The following SRPK2 variants were observed in gnomAD, a reference collection of about 807,000 sequenced individuals.
The protein encoded by SRPK2 is SFRS protein kinase 2.
A neutral mutation model predicts 90.8 loss-of-function variants in SRPK2; 21 were observed. The observed-to-expected ratio is 0.23, with a 90% confidence interval of 0.16 to 0.33. The LOEUF is 0.33. Among genes scored for constraint, SRPK2 ranks in the 10% least tolerant of loss-of-function variants. SRPK2 has a pLI of 1.00. For missense variants in SRPK2, 620 were observed against 869.0 expected, an observed-to-expected ratio of 0.71 and a Z score of 3.60; for synonymous variants, 288 against 311.1, an observed-to-expected ratio of 0.93 and a Z score of 0.78.
At chr7:105,342,328 TTAA>T (rs1262534509) in intron 2 of SRPK2, among the ~76,000 whole-genome samples, 2 of 148,212 alleles carry the variant, frequency 1.3e-5, no homozygotes, top group African/African-American at 2.5e-5. Context: ...CCGTCTCAAA[TTAA>T]TAATAATAAT....
At chr7:105,374,319 T>C (rs948776882) in intron 2 of SRPK2, among the ~76,000 whole-genome samples, 1 of 152,236 alleles carries the variant, frequency 6.6e-6, no homozygotes, top group Non-Finnish European at 1.5e-5. Flanking sequence ...TTTCTCTTCA[T>C]GTCCCATAGT....
chr7:105,214,653 A>G (rs1360503067), intron 2 of SRPK2, among the ~76,000 whole-genome samples: 4 of 152,220 alleles, frequency 2.6e-5, no homozygotes, highest in Admixed American at 2.0e-4. Flanking sequence ...ATTAAACAAA[A>G]GAAGTTTAAA....
intron 3 of SRPK2, among the ~76,000 whole-genome samples, chr7:105,199,193 T>C (rs1795258839): frequency 1.3e-5 from 2 of 152,192 alleles, no homozygotes; most frequent in South Asian, 4.1e-4. Context: ...TCTTGCTGAG[T>C]AGTGGGATCA....
intron 3 of SRPK2, among the ~76,000 whole-genome samples, chr7:105,181,881 T>TAAAAAAAAAAAA (rs755821029): frequency 2.7e-4 from 23 of 84,712 alleles, no homozygotes; most frequent in Non-Finnish European, 4.8e-4. Flanking sequence ...AAGATAAAAG[T>TAAAAAAAAAAAA]AAAAAAAAAA....
intron 2 of SRPK2, among the ~76,000 whole-genome samples, chr7:105,349,271 C>T (rs1206293466): frequency 6.6e-6 from 1 of 151,830 alleles, no homozygotes; most frequent in African/African-American, 2.4e-5. Flanking sequence ...GCCTGTAATC[C>T]CAGCACTTTG....
intron 2 of SRPK2, among the ~76,000 whole-genome samples, chr7:105,372,741 A>G (rs1819842356): frequency 6.6e-6 from 1 of 152,116 alleles, no homozygotes; most frequent in East Asian, 1.9e-4. Flanking sequence ...GCCTTATTTG[A>G]ATATATGTAA....
chr7:105,144,807 T>A (rs2129577185), intron 9 of SRPK2, among the ~76,000 whole-genome samples: 1 of 152,268 alleles, frequency 6.6e-6, no homozygotes, highest in Non-Finnish European at 1.5e-5. Flanking sequence ...GCACAGATCA[T>A]TAAAACTTAA....
intron 2 of SRPK2, among the ~76,000 whole-genome samples, chr7:105,274,949 G>A (rs529884009): frequency 1.3e-5 from 2 of 151,408 alleles, no homozygotes; most frequent in African/African-American, 4.9e-5. Context: ...GCTGGATGGC[G>A]CAATCTCGGC....
chr7:105,141,877 T>C, intron 11 of SRPK2, 131 bp downstream of exon 11: 1 of 977,574 alleles, frequency 1.0e-6, no homozygotes. Context: ...TTCAGGAGTA[T>C]AAAAGTAATA....
intron 2 of SRPK2, among the ~76,000 whole-genome samples, chr7:105,336,596 T>A (rs1288876109): frequency 6.6e-6 from 1 of 152,138 alleles, no homozygotes. Flanking sequence ...TTAAGTAAAT[T>A]TTACTCTATA....
At position 105,299,425 on chromosome 7, in the gene SRPK2, TA is replaced by T. The variant is rs543641906; in HGVS notation, c.71+89222del. Among the ~76,000 whole-genome samples, 327 of 152,244 alleles carry T rather than the reference TA, an allele frequency of 2.1e-3. 1 individual carries two copies. The highest frequency in any genetic ancestry group is 7.6e-3 in the African/African-American group (315 of 41,540). Reference sequence around the variant, plus strand: ...AGGTCTACCAAAAATAATCTGAACCTAAAAAGACACTAAAGCTAACACATAT... The same window carrying T: ...AGGTCTACCAAAAATAATCTGAACCTAAAAGACACTAAAGCTAACACATAT... On this transcript the variant is annotated intron_variant, in intron 2 of 15. Transcript: ENST00000393651.
chr7:105,368,233 C>CT (rs1701577739), intron 2 of SRPK2, among the ~76,000 whole-genome samples: 1 of 152,040 alleles, frequency 6.6e-6, no homozygotes, highest in South Asian at 2.1e-4. Context: ...GGCCTTATTG[C>CT]TTTTTTAGAA....
At chr7:105,308,008 G>C (rs920101434) in intron 2 of SRPK2, among the ~76,000 whole-genome samples, 1 of 152,072 alleles carries the variant, frequency 6.6e-6, no homozygotes, top group Non-Finnish European at 1.5e-5. Context: ...AAGTATTTTT[G>C]CAAAGTGCTT....
chr7:105,331,158 G>C (rs1451242482), intron 2 of SRPK2, among the ~76,000 whole-genome samples: 3 of 151,310 alleles, frequency 2.0e-5, no homozygotes. Flanking sequence ...TTTTTTAAAA[G>C]ATTAGCTGGG....
At chr7:105,157,446 T>C (rs1806675836) in intron 7 of SRPK2, among the ~76,000 whole-genome samples, 1 of 152,098 alleles carries the variant, frequency 6.6e-6, no homozygotes, top group Admixed American at 6.5e-5. Context: ...ACTGAAAACA[T>C]AGGCTGAATC....
At chr7:105,339,874 A>G (rs1161716534) in intron 2 of SRPK2, among the ~76,000 whole-genome samples, 2 of 152,106 alleles carry the variant, frequency 1.3e-5, no homozygotes, top group East Asian at 1.9e-4. Context: ...CCTGGCCAAC[A>G]TGGTGAAACC....
chr7:105,352,008 A>C (rs556948863), intron 2 of SRPK2, among the ~76,000 whole-genome samples: 1 of 149,576 alleles, frequency 6.7e-6, no homozygotes, highest in East Asian at 2.0e-4. Flanking sequence ...ACTGTAAAGC[A>C]GGCTGTGCAG....
At chr7:105,151,652 TC>T (rs1805672670) in intron 7 of SRPK2, among the ~76,000 whole-genome samples, 2 of 152,150 alleles carry the variant, frequency 1.3e-5, no homozygotes, top group African/African-American at 4.8e-5. Flanking sequence ...CCTCAAGTGA[TC>T]CTCTTGCTTC....
chr7:105,158,664 G>A lies in SRPK2; in HGVS notation c.621+1843C>T, dbSNP rs377416409. ...GTTCTGGGAAATGATGGAGCCTGCG[G>A]GAAATACATGCAGGCAGCTATTTCT... On this transcript the variant is annotated intron_variant, in intron 7 of 15. Coordinates refer to ENST00000393651, the MANE Select transcript of SRPK2 (RefSeq NM_182692.3). Among the ~76,000 whole-genome samples the A allele has an allele frequency of 2.4e-4, 36 of 152,226 alleles. No individual in the cohort carries two copies. In the East Asian group the frequency reaches 5.8e-3, roughly 24 times the overall value.
Sources: gnomAD v4.1 joint callset for allele counts (sites outside exome capture counted in the v4.1 genomes callset) on GRCh38, gnomAD v4.1.1 for gene constraint, MANE v1.5 for transcripts, NCBI Gene and HGNC (gene_info 2026-07-23, HGNC 2026-07-21) for gene names.